ANKRD12: variants seen among roughly 807,000 people sequenced by gnomAD.
ANKRD12 encodes ankyrin repeat domain-containing protein 12.
In ANKRD12, 85 loss-of-function variants were observed where a neutral mutation model predicts 183.4. The ratio of observed to expected loss-of-function variants is 0.46; its 90% CI spans 0.39 to 0.56. ANKRD12 has a LOEUF of 0.56. Among genes scored for constraint, ANKRD12 ranks in the 20% least tolerant of loss-of-function variants. The probability of loss-of-function intolerance (pLI) is 0.00; values close to 1 mark genes in which losing one functional copy is unlikely to be tolerated. For missense variants in ANKRD12, 2,405 were observed against 2,357.1 expected, an observed-to-expected ratio of 1.02 and a Z score of -0.42; for synonymous variants, 914 against 800.2, an observed-to-expected ratio of 1.14 and a Z score of -2.40.
intron 8 of ANKRD12, among the ~76,000 whole-genome samples, chr18:9,233,641 C>T (rs904808748): frequency 2.0e-5 from 3 of 152,046 alleles, no homozygotes; most frequent in Non-Finnish European, 2.9e-5. Flanking sequence ...ATTCTGGGTG[C>T]GCGTGATAGT....
At chr18:9,157,862 AAAAT>A (rs1450164230) in intron 1 of ANKRD12, among the ~76,000 whole-genome samples, 5 of 152,138 alleles carry the variant, frequency 3.3e-5, no homozygotes, top group Non-Finnish European at 7.3e-5. Context: ...CTGAAAAACA[AAAAT>A]AAAGTAAGTG....
chr18:9,228,166 T>A lies in ANKRD12; in HGVS notation c.943+6167T>A, dbSNP rs570142407. Among the ~76,000 whole-genome samples, 8 of 152,330 alleles carry A rather than the reference T, an allele frequency of 5.3e-5. No homozygotes were observed. In the South Asian group the frequency reaches 8.3e-4, roughly 16 times the overall value. On this transcript the variant is annotated intron_variant, in intron 8 of 12. Coordinates refer to ENST00000262126, the MANE Select transcript of ANKRD12 (RefSeq NM_015208.5). ...TGCAAATGACATGATTTCATTCCTT[T>A]GTATGGCTGAATAGTACTCTAGTGT...
At position 9,254,195 on chromosome 18, in the gene ANKRD12, C is replaced by CTT; in HGVS notation, c.944-9_944-8dup. 6.8e-7 allele frequency: 1 copy of CTT among 1,476,718 alleles called. No homozygotes were observed. The highest frequency in any genetic ancestry group is 9.0e-7 in the Non-Finnish European group (1 of 1,116,786). The allele number at this position is 1,476,718 out of a possible 1,614,324, so 91.5% of individuals were successfully genotyped here. ...TTTTGTTTGACCCACACCACATTTT[C>CTT]TTTTTTTTATTCTAGATTCCGAAGA... On this transcript the variant is annotated splice_polypyrimidine_tract_variant and intron_variant, in intron 8 of 12. Coordinates refer to ENST00000262126, the MANE Select transcript of ANKRD12 (RefSeq NM_015208.5).
At chr18:9,163,326 C>T (rs966068430) in intron 1 of ANKRD12, among the ~76,000 whole-genome samples, 6 of 152,128 alleles carry the variant, frequency 3.9e-5, no homozygotes, top group African/African-American at 1.4e-4. Context: ...TTGTTTTCGT[C>T]AGGTTTGTCA....
At chr18:9,202,434 C>T (rs1182384118) in intron 3 of ANKRD12, among the ~76,000 whole-genome samples, 1 of 151,910 alleles carries the variant, frequency 6.6e-6, no homozygotes, top group African/African-American at 2.4e-5. Flanking sequence ...GAATAATCAC[C>T]TTTGGTGATT....
chr18:9,275,784 A>G, intron 11 of ANKRD12, 117 bp downstream of exon 11: 1 of 1,089,224 alleles, frequency 9.2e-7, no homozygotes, highest in Non-Finnish European at 1.3e-6. Flanking sequence ...AGGTCAAAGA[A>G]GAAAAAAAAC....
chr18:9,191,333 C>G (rs906884752), intron 2 of ANKRD12, among the ~76,000 whole-genome samples: 2 of 152,116 alleles, frequency 1.3e-5, no homozygotes, highest in Non-Finnish European at 2.9e-5. Flanking sequence ...AAAAGAAACC[C>G]TTTGTTCAAA....
At chr18:9,141,848 T>A (rs905776496) in intron 1 of ANKRD12, among the ~76,000 whole-genome samples, 1 of 152,232 alleles carries the variant, frequency 6.6e-6, no homozygotes, top group Non-Finnish European at 1.5e-5. Flanking sequence ...AACTATCTTA[T>A]TTTGACAATT....
chr18:9,170,352 G>A (rs1183928666), intron 1 of ANKRD12, among the ~76,000 whole-genome samples: 5 of 152,134 alleles, frequency 3.3e-5, no homozygotes, highest in African/African-American at 1.2e-4. Context: ...AGGTAAACCA[G>A]TCAGATGTAG....
At chr18:9,186,821 A>T (rs7505782) in intron 2 of ANKRD12, among the ~76,000 whole-genome samples, 1 of 141,020 alleles carries the variant, frequency 7.1e-6, no homozygotes, top group Non-Finnish European at 1.5e-5. Context: ...GCGCGATCTC[A>T]GCTCACTGCA....
In ANKRD12 at chr18:9,285,168, C is replaced by T. The variant is rs1181099941; in HGVS notation, c.*4042C>T. 2.7e-5 allele frequency: 4 copies of T among 150,038 alleles called. No individual in the cohort carries two copies. In the East Asian group the frequency reaches 7.8e-4, roughly 29 times the overall value. The allele number at this position is 150,038 out of a possible 1,614,324, so 9.3% of individuals were successfully genotyped here. A position where few individuals can be genotyped will look rare whatever the true frequency, so the allele number is the denominator to read the frequency against. On this transcript the variant is annotated 3_prime_UTR_variant, in exon 13 of 13. Coordinates refer to ENST00000262126, the MANE Select transcript of ANKRD12 (RefSeq NM_015208.5). Reference sequence around the variant, plus strand: ...AGCTTGCAGTGAGCCGAGATCGTGCCACTGCACTCCAGCCTGGGCGACAGA... The same window carrying T: ...AGCTTGCAGTGAGCCGAGATCGTGCTACTGCACTCCAGCCTGGGCGACAGA...
chr18:9,226,059 A>G (rs1451821428), intron 8 of ANKRD12, among the ~76,000 whole-genome samples: 2 of 152,220 alleles, frequency 1.3e-5, no homozygotes, highest in East Asian at 3.8e-4. Context: ...ATTCTTAAAT[A>G]TAATGTATAT....
intron 1 of ANKRD12, among the ~76,000 whole-genome samples, chr18:9,143,028 A>G (rs1036390807): frequency 7.2e-5 from 11 of 152,246 alleles, no homozygotes; most frequent in African/African-American, 2.2e-4. Flanking sequence ...AGTGTTCTAT[A>G]GTAGTCTTGG....
intron 10 of ANKRD12, among the ~76,000 whole-genome samples, chr18:9,264,929 G>A (rs187954879): frequency 7.2e-5 from 11 of 152,298 alleles, no homozygotes; most frequent in Admixed American, 2.6e-4. Context: ...CGCAGAAGAC[G>A]GGTGATTTCT....
At chr18:9,260,508 A>G (rs2038902700) in intron 9 of ANKRD12, 1 of 152,208 alleles carries the variant, frequency 6.6e-6, no homozygotes, top group Non-Finnish European at 1.5e-5. Context: ...TCCAAAATCA[A>G]ATGAACAGGG....
chr18:9,260,996 G>A (rs975070142), intron 9 of ANKRD12, among the ~76,000 whole-genome samples: 9 of 151,928 alleles, frequency 5.9e-5, no homozygotes, highest in East Asian at 1.9e-4. Flanking sequence ...CCACCCTCCC[G>A]TTCTCACACT....
chr18:9,208,693 A>T lies in ANKRD12; in HGVS notation c.341A>T (p.Glu114Val). 6.2e-7 allele frequency: 1 copy of T among 1,610,836 alleles called. No homozygotes were observed. Among genetic ancestry groups the T allele is most frequent in the Non-Finnish European group, 8.5e-7 (1 of 1,178,752 alleles). Residue 114 changes from glutamate to valine, a missense_variant, in exon 5 of 13, where the codon GAA becomes GTA. By Grantham distance (121) the Glu-to-Val change is moderately radical. Transcript: ENST00000262126. The part of the protein sequence containing the change: ...EGPEKKKTKK[E>V]AGNKKSTPVS... ...CCAGAAAAGAAGAAGACAAAAAAGG[A>T]AGCTGGAAATAAGAAATCCACACCA...
chr18:9,234,798 T>G (rs2037251383), intron 8 of ANKRD12, among the ~76,000 whole-genome samples: 1 of 152,156 alleles, frequency 6.6e-6, no homozygotes. Context: ...GGTCTCCAAA[T>G]CGCTGCCCAC....
intron 10 of ANKRD12, among the ~76,000 whole-genome samples, chr18:9,269,343 G>C (rs937310895): frequency 1.1e-4 from 17 of 152,168 alleles, no homozygotes; most frequent in Non-Finnish European, 1.6e-4. Context: ...CAAAGCTGGA[G>C]GCATCACACT....
Sources: gnomAD v4.1 joint callset for allele counts (sites outside exome capture counted in the v4.1 genomes callset) on GRCh38, gnomAD v4.1.1 for gene constraint, MANE v1.5 for transcripts, NCBI Gene and HGNC (gene_info 2026-07-23, HGNC 2026-07-21) for gene names.